The following TCF4 variants were observed in gnomAD, a reference collection of about 807,000 sequenced individuals.
The protein encoded by TCF4 is transcription factor 4.
Under a neutral mutation model 82.1 loss-of-function variants are expected in TCF4, and 3 were observed. The ratio of observed to expected loss-of-function variants is 0.04; its 90% CI spans 0.02 to 0.09. TCF4 has a LOEUF of 0.09. Among genes scored for constraint, TCF4 ranks in the 10% least tolerant of loss-of-function variants. The probability of loss-of-function intolerance (pLI) is 1.00; values close to 1 mark genes in which losing one functional copy is unlikely to be tolerated. For synonymous variants in TCF4, 276 were observed against 309.6 expected (o/e 0.89, Z 1.14); for missense variants, 518 against 852.7 (o/e 0.61, Z 4.89).
In TCF4 at chr18:55,464,062, T is replaced by TA; in HGVS notation, c.207+13_207+14insT. Reference sequence around the variant, plus strand: ...GGATGTCTGGTTGTGGGAGAAAAGATTAGATATACTTACCCTGGACGGGCT... The same window carrying TA: ...GGATGTCTGGTTGTGGGAGAAAAGATATAGATATACTTACCCTGGACGGGCT... On this transcript the variant is annotated intron_variant, in intron 4 of 19. Transcript: ENST00000354452. 1.2e-6 allele frequency: 2 copies of TA among 1,612,856 alleles called. No individual in the cohort carries two copies. The highest frequency in any genetic ancestry group is 1.7e-6 in the Non-Finnish European group (2 of 1,179,272).
Position 55,228,308 on chromosome 18 carries a change from CCTT to C in TCF4, c.1930_1932del (p.Lys644del), listed in dbSNP as rs770623083. ...GAGAGAGGGGGAGGCTCTGAGGACACCTTCTCTTCCTCCCTTCTTTTCAGACAC... is the reference window on the plus strand; with the variant it reads ...GAGAGAGGGGGAGGCTCTGAGGACACCTCTTCCTCCCTTCTTTTCAGACAC... On this transcript the variant is annotated inframe_deletion, in exon 19 of 20. Coordinates refer to ENST00000354452, the MANE Select transcript of TCF4 (RefSeq NM_001083962.2). The C allele has an allele frequency of 6.2e-7, 1 of 1,614,148 alleles. No individual in the cohort carries two copies. The highest frequency in any genetic ancestry group is 8.5e-7 in the Non-Finnish European group (1 of 1,180,026).
chr18:55,325,795 ACAT>A (rs2076453675), intron 8 of TCF4, among the ~76,000 whole-genome samples: 1 of 152,230 alleles, frequency 6.6e-6, no homozygotes, highest in South Asian at 2.1e-4. Flanking sequence ...AATTAGCTAA[ACAT>A]CATATCCTAA....
intron 5 of TCF4, among the ~76,000 whole-genome samples, chr18:55,431,613 G>A (rs2095198769): frequency 1.3e-5 from 2 of 152,062 alleles, no homozygotes; most frequent in Admixed American, 6.6e-5. Context: ...CCTTCTCTGA[G>A]GACTACCTGA....
At chr18:55,458,435 C>T (rs1418251095) in intron 5 of TCF4, among the ~76,000 whole-genome samples, 1 of 152,218 alleles carries the variant, frequency 6.6e-6, no homozygotes, top group Admixed American at 6.5e-5. Flanking sequence ...ACACAAAGTG[C>T]GGTTTAGAAC....
chr18:55,415,158 A>T (rs564503417), intron 5 of TCF4, among the ~76,000 whole-genome samples: 15 of 152,348 alleles, frequency 9.8e-5, no homozygotes, highest in African/African-American at 3.6e-4. Context: ...AATATGGTTA[A>T]TCGTGATATA....
At chr18:55,284,417 A>G (rs1052058394) in intron 8 of TCF4, 3 of 152,246 alleles carry the variant, frequency 2.0e-5, no homozygotes, top group East Asian at 1.9e-4. Context: ...GTCTCAAAAA[A>G]AAAAAAGAAA....
At chr18:55,462,581 C>T (rs995363598) in intron 4 of TCF4, among the ~76,000 whole-genome samples, 1 of 152,152 alleles carries the variant, frequency 6.6e-6, no homozygotes, top group Non-Finnish European at 1.5e-5. Flanking sequence ...CTAACAAAAA[C>T]CAAAAGCTAG....
chr18:55,493,069 A>G (rs1346731887), intron 3 of TCF4, among the ~76,000 whole-genome samples: 2 of 152,190 alleles, frequency 1.3e-5, no homozygotes, highest in Non-Finnish European at 2.9e-5. Context: ...ATTTGGTATT[A>G]AAATACTCGG....
intron 3 of TCF4, among the ~76,000 whole-genome samples, chr18:55,538,026 G>GCACACA (rs57686777): frequency 0.039 from 5,077 of 131,370 alleles, 178 homozygotes; most frequent in East Asian, 0.2. Flanking sequence ...CTGCGCGCGC[G>GCACACA]CACACACACA....
intron 3 of TCF4, among the ~76,000 whole-genome samples, chr18:55,517,444 A>G (rs1319493026): frequency 6.6e-6 from 1 of 152,124 alleles, no homozygotes; most frequent in African/African-American, 2.4e-5. Flanking sequence ...CATCAACAAG[A>G]GAACCAACTG....
intron 3 of TCF4, among the ~76,000 whole-genome samples, chr18:55,507,935 T>C (rs985327792): frequency 2.6e-5 from 4 of 152,126 alleles, no homozygotes; most frequent in Non-Finnish European, 5.9e-5. Context: ...AACTGACCCA[T>C]GTAACCGGGA....
intron 3 of TCF4, among the ~76,000 whole-genome samples, chr18:55,467,734 G>C (rs576311840): frequency 2.0e-5 from 3 of 152,078 alleles, no homozygotes; most frequent in African/African-American, 7.2e-5. Context: ...CTCCTGCTAG[G>C]GTACCAGGAC....
chr18:55,464,527 C>G (rs905124890), intron 3 of TCF4, among the ~76,000 whole-genome samples: 2 of 152,192 alleles, frequency 1.3e-5, no homozygotes, highest in African/African-American at 4.8e-5. Context: ...CACACTAACA[C>G]CTTTAGCATC....
At chr18:55,504,657 T>G (rs2096734471) in intron 3 of TCF4, among the ~76,000 whole-genome samples, 1 of 152,142 alleles carries the variant, frequency 6.6e-6, no homozygotes, top group African/African-American at 2.4e-5. Flanking sequence ...GAGGCACACA[T>G]ACAAAAACTG....
At chr18:55,234,816 C>A in intron 15 of TCF4, 133 bp from the exon 16 acceptor site, 1 of 1,285,156 alleles carries the variant, frequency 7.8e-7, no homozygotes, top group Non-Finnish European at 1.1e-6. Context: ...CTAGAGGGCG[C>A]TGAAGGACCG....
intron 11 of TCF4, among the ~76,000 whole-genome samples, chr18:55,263,151 A>AT (rs1271741209): frequency 6.6e-6 from 1 of 152,130 alleles, no homozygotes; most frequent in Non-Finnish European, 1.5e-5. Context: ...ACCCACACCC[A>AT]TATTTATTTG....
chr18:55,376,333 T>C (rs2090738425), intron 6 of TCF4, among the ~76,000 whole-genome samples: 1 of 152,112 alleles, frequency 6.6e-6, no homozygotes, highest in Non-Finnish European at 1.5e-5. Flanking sequence ...GACAATAATA[T>C]TTCTTAGAAC....
intron 5 of TCF4, among the ~76,000 whole-genome samples, chr18:55,415,760 G>T (rs984556191): frequency 3.3e-5 from 5 of 152,086 alleles, no homozygotes; most frequent in African/African-American, 9.7e-5. Context: ...AGTTTTTATT[G>T]CCCTATCTGA....
At chr18:55,487,469 G>C (rs2096529478) in intron 3 of TCF4, among the ~76,000 whole-genome samples, 1 of 152,204 alleles carries the variant, frequency 6.6e-6, no homozygotes, top group Admixed American at 6.5e-5. Context: ...CATTTGTCAT[G>C]TGAAGAAGTG....
Sources: allele counts gnomAD v4.1 joint callset (sites outside exome capture counted in the v4.1 genomes callset), GRCh38; gene constraint gnomAD v4.1.1; transcripts MANE v1.5; gene names NCBI Gene and HGNC (gene_info 2026-07-23, HGNC 2026-07-21).